Variants in CCDC73 observed in about 807,000 individuals in gnomAD.
The protein encoded by CCDC73 is coiled-coil domain-containing protein 73.
CCDC73 carries 95 observed loss-of-function variants against 116.5 expected under a neutral mutation model. That is an observed-to-expected ratio of 0.82 (90% CI 0.69 to 0.97). The LOEUF (loss-of-function observed/expected upper bound fraction) is 0.97, where lower values mean the gene tolerates loss of function less well. Among genes scored for constraint, CCDC73 ranks in the 50% least tolerant of loss-of-function variants. The pLI is 0.00. For synonymous variants in CCDC73, 398 were observed against 401.3 expected, an observed-to-expected ratio of 0.99 and a Z score of 0.10; for missense variants, 1,066 against 1,206.8, an observed-to-expected ratio of 0.88 and a Z score of 1.73.
intron 17 of CCDC73, chr11:32,604,684 G>T (rs1368228118): frequency 6.6e-6 from 1 of 152,214 alleles, no homozygotes; most frequent in South Asian, 2.1e-4. Flanking sequence ...CATTTAAATT[G>T]TAAGAAAATG....
At chr11:32,689,473 C>T (rs1352246378) in intron 6 of CCDC73, among the ~76,000 whole-genome samples, 1 of 151,608 alleles carries the variant, frequency 6.6e-6, no homozygotes, top group East Asian at 1.9e-4. Flanking sequence ...AAGACTTGTA[C>T]ACACCAATAA....
chr11:32,646,262 T>A (rs567083072), intron 12 of CCDC73, among the ~76,000 whole-genome samples: 30 of 152,350 alleles, frequency 2.0e-4, no homozygotes, highest in Admixed American at 5.9e-4. Flanking sequence ...CTGTCAGCTA[T>A]ACAAATTAGG....
chr11:32,754,030 C>T (rs775694393), intron 2 of CCDC73, among the ~76,000 whole-genome samples: 4 of 152,200 alleles, frequency 2.6e-5, no homozygotes, highest in Admixed American at 6.5e-5. Flanking sequence ...ATTCCTGCAA[C>T]TATGTCACAT....
At chr11:32,767,323 A>C (rs1235013088) in intron 1 of CCDC73, among the ~76,000 whole-genome samples, 3 of 152,236 alleles carry the variant, frequency 2.0e-5, no homozygotes, top group African/African-American at 7.2e-5. Context: ...AATTAATTCA[A>C]GATGGATTAA....
At chr11:32,805,898 T>C in the CCDC73 span, among the ~76,000 whole-genome samples, 2 of 152,210 alleles carry the variant, frequency 1.3e-5, no homozygotes, top group Admixed American at 1.3e-4. Flanking sequence ...TAAAGAATTT[T>C]AGAGCAAGAA....
intron 6 of CCDC73, among the ~76,000 whole-genome samples, chr11:32,684,132 T>C (rs551541091): frequency 6.6e-6 from 1 of 152,290 alleles, no homozygotes; most frequent in African/African-American, 2.4e-5. Context: ...ACTGCAGCAT[T>C]AACTTCCTGG....
chr11:32,650,956 T>A (rs1855820819), intron 12 of CCDC73, among the ~76,000 whole-genome samples: 1 of 152,156 alleles, frequency 6.6e-6, no homozygotes, highest in Non-Finnish European at 1.5e-5. Flanking sequence ...CTCTTTCAAT[T>A]TGTCATGGTG....
chr11:32,671,379 G>GCTCCAAAAAAACCACTAA (rs1271010924), intron 9 of CCDC73, among the ~76,000 whole-genome samples: 2 of 142,246 alleles, frequency 1.4e-5, no homozygotes, highest in East Asian at 4.3e-4. Context: ...CACTAAGTTT[G>GCTCCAAAAAAACCACTAA]GTCTGTTTAA....
intron 5 of CCDC73, 111 bp downstream of exon 5, chr11:32,700,680 T>G (rs118118014): frequency 3.8e-6 from 2 of 530,830 alleles, no homozygotes; most frequent in Non-Finnish European, 6.7e-6. Flanking sequence ...TAATGCTCTT[T>G]TCTCTTATGG....
In CCDC73 at chr11:32,718,154, CAAAAAG is replaced by C. The variant is rs774746121; in HGVS notation, c.136-13_136-8del. On this transcript the variant is annotated splice_polypyrimidine_tract_variant and splice_region_variant and intron_variant, in intron 2 of 17. Coordinates refer to ENST00000335185, the MANE Select transcript of CCDC73 (RefSeq NM_001008391.4). ...CATAATGAATTTCTGCTTCCTAAGT[CAAAAAG>C]AAAAAGAAAAGTGCTATAAAAATAA... 2 of 1,578,238 alleles carry C rather than the reference CAAAAAG, an allele frequency of 1.3e-6. No individual in the cohort carries two copies. Among genetic ancestry groups the C allele is most frequent in the Non-Finnish European group, 1.7e-6 (2 of 1,162,308 alleles).
chr11:32,823,828 C>A, the CCDC73 span, among the ~76,000 whole-genome samples: 2 of 152,120 alleles, frequency 1.3e-5, no homozygotes, highest in African/African-American at 2.4e-5. Flanking sequence ...CAGCCCTGAT[C>A]TCCTGGGCCC....
At chr11:32,627,587 G>T (rs142567361) in intron 14 of CCDC73, among the ~76,000 whole-genome samples, 3,875 of 152,206 alleles carry the variant, frequency 0.025, 84 homozygotes, top group South Asian at 0.052. Context: ...CCATCAATGA[G>T]AGACTGGATT....
intron 12 of CCDC73, 34 bp downstream of exon 12, chr11:32,653,089 T>G: frequency 8.0e-7 from 1 of 1,243,502 alleles, no homozygotes; most frequent in South Asian, 1.2e-5. Flanking sequence ...AAAACACAGA[T>G]AGATAGACAG....
chr11:32,611,886 AAATTT>A lies in CCDC73; in HGVS notation c.2897-626_2897-622del, dbSNP rs1855425678. Reference sequence around the variant, plus strand: ...ACCCTTTGTATCTTATATATCACTGAAATTTAATTACAAGAAAGGACTTCAAAAAA... The same window carrying A: ...ACCCTTTGTATCTTATATATCACTGAAATTACAAGAAAGGACTTCAAAAAA... On this transcript the variant is annotated intron_variant, in intron 16 of 17. Transcript: ENST00000335185. 8.5e-5 allele frequency among the ~76,000 whole-genome samples: 13 copies of A among 152,324 alleles called. No homozygotes were observed. In the South Asian group the frequency reaches 2.7e-3, roughly 32 times the overall value.
chr11:32,673,271 C>G (rs144508481), intron 9 of CCDC73, among the ~76,000 whole-genome samples: 13 of 152,186 alleles, frequency 8.5e-5, no homozygotes, highest in African/African-American at 2.9e-4. Context: ...ACACCAAATG[C>G]TAGTGAGGAT....
At chr11:32,749,468 A>G (rs1850267905) in intron 2 of CCDC73, among the ~76,000 whole-genome samples, 1 of 152,018 alleles carries the variant, frequency 6.6e-6, no homozygotes, top group African/African-American at 2.4e-5. Flanking sequence ...CAAAACAGCT[A>G]TTTTGACTTC....
intron 1 of CCDC73, among the ~76,000 whole-genome samples, chr11:32,763,316 C>T (rs1469576132): frequency 2.6e-5 from 4 of 152,214 alleles, no homozygotes; most frequent in South Asian, 4.1e-4. Flanking sequence ...GAGTCCCTGA[C>T]CCCTGAGTAG....
chr11:32,764,139 G>T, intron 1 of CCDC73, among the ~76,000 whole-genome samples: 1 of 152,180 alleles, frequency 6.6e-6, no homozygotes, highest in East Asian at 1.9e-4. Flanking sequence ...ATGTCTGATT[G>T]GTGTACCTGA....
rs745534217 is a variant in CCDC73, at chr11:32,613,571, A to G, written c.2747T>C (p.Ile916Thr). ...CGAACTGCTCGCTGTTTGACTTTCA[A>G]TGTGATTTACTTTTGACCAAGGACC... The part of the protein sequence containing the change: ...DPGPWSKVNH[I>T]ESQTASSSTP... The change falls in exon 16 of 18, where the codon ATT becomes ACT. Residue 916 changes from isoleucine to threonine, a missense_variant. By Grantham distance (89) the Ile-to-Thr change is moderately conservative. Transcript: ENST00000335185. The G allele has an allele frequency of 8.1e-6, 13 of 1,613,994 alleles. No homozygotes were observed. The highest frequency in any genetic ancestry group is 1.6e-4 in the Middle Eastern group (1 of 6,080).
Sources: allele counts gnomAD v4.1 joint callset (sites outside exome capture counted in the v4.1 genomes callset), GRCh38; gene constraint gnomAD v4.1.1; transcripts MANE v1.5; gene names NCBI Gene and HGNC (gene_info 2026-07-23, HGNC 2026-07-21).